TRDN: variants seen among roughly 807,000 people sequenced by gnomAD.
TRDN encodes triadin in skeletal muscle.
A neutral mutation model predicts 149.7 loss-of-function variants in TRDN; 161 were observed. That is an observed-to-expected ratio of 1.08 (90% confidence interval 0.95 to 1.23). The LOEUF (loss-of-function observed/expected upper bound fraction) is 1.23. TRDN is among the 50% of genes most tolerant of loss of function. The pLI, the probability that TRDN is intolerant of heterozygous loss-of-function variation, is 0.00. For missense variants in TRDN, 896 were observed against 823.5 expected, an observed-to-expected ratio of 1.09 and a Z score of -1.08; for synonymous variants, 294 against 250.5, an observed-to-expected ratio of 1.17 and a Z score of -1.64.
At chr6:123,611,296 G>A (rs898174648) in intron 1 of TRDN, among the ~76,000 whole-genome samples, 17 of 152,014 alleles carry the variant, frequency 1.1e-4, no homozygotes, top group African/African-American at 3.1e-4. Context: ...GAATTGAGTA[G>A]AACAAAAATT....
intron 5 of TRDN, among the ~76,000 whole-genome samples, chr6:123,518,638 G>C (rs559707449): frequency 2.6e-5 from 4 of 152,278 alleles, no homozygotes; most frequent in African/African-American, 9.6e-5. Context: ...ACTGAATTCG[G>C]ACTGAAATTA....
At chr6:123,243,808 G>T (rs773020460) in intron 38 of TRDN, among the ~76,000 whole-genome samples, 38 of 152,126 alleles carry the variant, frequency 2.5e-4, no homozygotes, top group Non-Finnish European at 5.6e-4. Flanking sequence ...TTACAGTTAG[G>T]ATGACATAAA....
At chr6:123,520,748 A>G (rs752847594) in intron 5 of TRDN, among the ~76,000 whole-genome samples, 1 of 152,210 alleles carries the variant, frequency 6.6e-6, no homozygotes, top group Non-Finnish European at 1.5e-5. Flanking sequence ...CTACATAGCC[A>G]TAGTAAGAAC....
At chr6:123,433,866 C>T (rs1366518223) in intron 12 of TRDN, 1 of 152,042 alleles carries the variant, frequency 6.6e-6, no homozygotes, top group East Asian at 1.9e-4. Flanking sequence ...TATATTTTGC[C>T]CAGGTTATAA....
At chr6:123,251,295 A>G (rs1461519514) in intron 38 of TRDN, among the ~76,000 whole-genome samples, 1 of 152,070 alleles carries the variant, frequency 6.6e-6, no homozygotes, top group Admixed American at 6.6e-5. Flanking sequence ...GTACAGTAGG[A>G]CCTTCTCTAT....
intron 38 of TRDN, among the ~76,000 whole-genome samples, chr6:123,228,754 A>G (rs1363558568): frequency 6.6e-6 from 1 of 151,878 alleles, no homozygotes; most frequent in East Asian, 2.0e-4. Flanking sequence ...GTACCCATGC[A>G]TTATGTTGCC....
At chr6:123,489,359 C>A (rs114039403) in intron 9 of TRDN, 1 of 151,944 alleles carries the variant, frequency 6.6e-6, no homozygotes, top group East Asian at 1.9e-4. Context: ...TCTTGGCTTG[C>A]GTGACCACCG....
intron 1 of TRDN, among the ~76,000 whole-genome samples, chr6:123,623,374 C>A (rs556193032): frequency 6.6e-6 from 1 of 151,950 alleles, no homozygotes. Context: ...TTGAAGCTAC[C>A]ACTAGCATCT....
At chr6:123,245,280 A>G (rs1261660847) in intron 38 of TRDN, among the ~76,000 whole-genome samples, 2 of 152,182 alleles carry the variant, frequency 1.3e-5, no homozygotes, top group Admixed American at 6.5e-5. Context: ...TAAATGCCCC[A>G]ATTAAAAAAC....
Position 123,269,789 on chromosome 6 carries a change from A to C in TRDN, c.1738+60T>G, listed in dbSNP as rs1045307347. 11 of 1,568,882 alleles carry C rather than the reference A, an allele frequency of 7.0e-6. No individual in the cohort carries two copies. The African/African-American group carries it at 1.4e-4, about 19-fold the overall frequency. ...ATTTTTCTTAAAAAAACTAAGCAAAATTGTTAAAGCTGAAATGGTCAAGCG... is the reference window on the plus strand; with the variant it reads ...ATTTTTCTTAAAAAAACTAAGCAAACTTGTTAAAGCTGAAATGGTCAAGCG... On this transcript the variant is annotated intron_variant, in intron 31 of 40. Transcript: ENST00000334268.
At chr6:123,416,753 G>A (rs1270718824) in intron 12 of TRDN, among the ~76,000 whole-genome samples, 6 of 151,210 alleles carry the variant, frequency 4.0e-5, no homozygotes, top group Non-Finnish European at 7.4e-5. Context: ...TCAGGCTGGA[G>A]TGCAGCGGCA....
At chr6:123,502,769 G>C (rs77418162) in intron 8 of TRDN, 1 of 984,964 alleles carries the variant, frequency 1.0e-6, no homozygotes, top group African/African-American at 1.7e-5. Context: ...TTAGTCAAAA[G>C]TGCTACAAAG....
intron 38 of TRDN, among the ~76,000 whole-genome samples, chr6:123,243,595 C>G (rs1776068405): frequency 6.6e-6 from 1 of 151,728 alleles, no homozygotes; most frequent in South Asian, 2.1e-4. Flanking sequence ...TAAAATAGAA[C>G]CAAATTGAAA....
chr6:123,433,182 T>TATATATATATATATAC (rs1562310492), intron 12 of TRDN, among the ~76,000 whole-genome samples: 5 of 143,334 alleles, frequency 3.5e-5, no homozygotes, highest in African/African-American at 7.9e-5. Context: ...TATATATATA[T>TATATATATATATATAC]ACATCACACA....
chr6:123,279,101 A>G lies in TRDN; in HGVS notation c.1511-19T>C, dbSNP rs769305119. 7 of 1,597,904 alleles carry G rather than the reference A, an allele frequency of 4.4e-6. No individual in the cohort carries two copies. The highest frequency in any genetic ancestry group is 1.3e-5 in the African/African-American group (1 of 74,674). Reference sequence around the variant, plus strand: ...TCTTTGCCTAGAAAAAAGTAAAAAAATTATTAAAGGCTGAGTCATACAATT... The same window carrying G: ...TCTTTGCCTAGAAAAAAGTAAAAAAGTTATTAAAGGCTGAGTCATACAATT... On this transcript the variant is annotated intron_variant, in intron 24 of 40. Transcript: ENST00000334268.
At chr6:123,274,537 AGACTATGT>A in intron 27 of TRDN, 96 bp downstream of exon 27, 5 of 975,810 alleles carry the variant, frequency 5.1e-6, no homozygotes, top group Non-Finnish European at 7.5e-6. Context: ...AGGAACTTGG[AGACTATGT>A]GCATGTCTCC....
intron 24 of TRDN, among the ~76,000 whole-genome samples, chr6:123,315,295 A>T (rs965015131): frequency 6.6e-6 from 1 of 151,946 alleles, no homozygotes; most frequent in African/African-American, 2.4e-5. Context: ...AACACTCAAT[A>T]TAACATTTTA....
Position 123,636,829 on chromosome 6 carries a change from G to A in TRDN, c.-54C>T. On this transcript the variant is annotated 5_prime_UTR_variant, in exon 1 of 41. Coordinates refer to ENST00000334268, the MANE Select transcript of TRDN (RefSeq NM_006073.4). The stretch of plus-strand genomic sequence containing the variant: ...AAAAGTTCCCGTCAAGTTGCACTTT[G>A]CAGAGTATTTGGGGATTTGAGAACT... The A allele has an allele frequency of 1.2e-6, 2 of 1,608,858 alleles. No homozygotes were observed. The highest frequency in any genetic ancestry group is 8.5e-7 in the Non-Finnish European group (1 of 1,176,236).
intron 38 of TRDN, among the ~76,000 whole-genome samples, chr6:123,231,710 A>T (rs1264050349): frequency 6.6e-6 from 1 of 152,094 alleles, no homozygotes; most frequent in African/African-American, 2.4e-5. Flanking sequence ...CAGTGGACAT[A>T]AAAAGGAAGA....
Sources: gnomAD v4.1 joint callset for allele counts (sites outside exome capture counted in the v4.1 genomes callset) on GRCh38, gnomAD v4.1.1 for gene constraint, MANE v1.5 for transcripts, NCBI Gene and HGNC (gene_info 2026-07-23, HGNC 2026-07-21) for gene names.